PC: variants seen among roughly 807,000 people sequenced by gnomAD.
PC encodes the protein pyruvate carboxylase, mitochondrial.
PC carries 46 observed loss-of-function variants against 107.8 expected under a neutral mutation model. The observed-to-expected ratio is 0.43, with a 90% confidence interval of 0.34 to 0.55. PC has a LOEUF of 0.55. Ranked by LOEUF, PC falls within the 20% of genes least tolerant of loss-of-function variation. The probability of loss-of-function intolerance (pLI) is 0.04; values close to 1 mark genes in which losing one functional copy is unlikely to be tolerated. For missense variants in PC, 1,241 were observed against 1,643.1 expected (o/e 0.76, Z 4.23); for synonymous variants, 662 against 684.7 (o/e 0.97, Z 0.52).
intron 3 of PC, among the ~76,000 whole-genome samples, chr11:66,910,764 G>A (rs1289202948): frequency 6.6e-6 from 1 of 152,208 alleles, no homozygotes; most frequent in Non-Finnish European, 1.5e-5. Flanking sequence ...CTCCAGGCCA[G>A]AGAGCAAAGG....
At chr11:66,933,581 C>T (rs1273478747) in intron 3 of PC, among the ~76,000 whole-genome samples, 4 of 152,138 alleles carry the variant, frequency 2.6e-5, no homozygotes, top group Non-Finnish European at 4.4e-5. Flanking sequence ...TTCCATCCTG[C>T]ATTTCAAGAT....
intron 3 of PC, among the ~76,000 whole-genome samples, chr11:66,925,357 C>G (rs562976965): frequency 6.6e-6 from 1 of 152,106 alleles, no homozygotes; most frequent in Non-Finnish European, 1.5e-5. Flanking sequence ...GCCCCCGAAG[C>G]GGCCATTTCA....
At chr11:66,929,840 A>G (rs1047537709) in intron 3 of PC, among the ~76,000 whole-genome samples, 2 of 152,204 alleles carry the variant, frequency 1.3e-5, no homozygotes, top group African/African-American at 4.8e-5. Context: ...TCTTAAAAGC[A>G]TAGGCAAGCT....
intron 3 of PC, among the ~76,000 whole-genome samples, chr11:66,923,284 C>T (rs1354157582): frequency 6.6e-6 from 1 of 151,618 alleles, no homozygotes; most frequent in Non-Finnish European, 1.5e-5. Context: ...ATCGCTTGAA[C>T]CTGGGAGGCG....
At chr11:66,892,982 G>A (rs909041989) in intron 3 of PC, among the ~76,000 whole-genome samples, 1 of 152,194 alleles carries the variant, frequency 6.6e-6, no homozygotes, top group Non-Finnish European at 1.5e-5. Flanking sequence ...GGCCACAGAA[G>A]CCCAGGTTGA....
chr11:66,850,681 C>G lies in PC; in HGVS notation c.2466G>C (p.Leu822=), dbSNP rs1945426579. The part of the protein sequence containing the change: ...ALVACTRGTP[L]DTEVPMERVF... ...GGCTGCTGTTCTTCCTACCTGTGTC[C>G]AGGGGAGTCCCTCTGGTACAGGCCA... Residue 822 remains leucine, a synonymous_variant, in exon 18 of 23, where the codon CTG becomes CTC. Transcript: ENST00000393960. The G allele has an allele frequency of 8.7e-6, 14 of 1,609,458 alleles. No individual in the cohort carries two copies. Among genetic ancestry groups the G allele is most frequent in the Non-Finnish European group, 1.1e-5 (13 of 1,179,830 alleles).
intron 3 of PC, among the ~76,000 whole-genome samples, chr11:66,943,909 G>A (rs535919880): frequency 6.9e-4 from 103 of 149,742 alleles, no homozygotes; most frequent in Non-Finnish European, 6.8e-4. Context: ...CTTGAACCCA[G>A]GAGACAGAGG....
intron 3 of PC, among the ~76,000 whole-genome samples, chr11:66,902,089 G>A (rs1947977937): frequency 6.6e-6 from 1 of 152,140 alleles, no homozygotes; most frequent in Non-Finnish European, 1.5e-5. Context: ...AAATCCAATG[G>A]GAAACAGCTT....
At chr11:66,894,254 C>G (rs548599760) in intron 3 of PC, among the ~76,000 whole-genome samples, 50 of 152,262 alleles carry the variant, frequency 3.3e-4, no homozygotes, top group Non-Finnish European at 6.0e-4. Flanking sequence ...CCTTGTCCCC[C>G]CATGCCCCAG....
intron 3 of PC, among the ~76,000 whole-genome samples, chr11:66,899,313 C>T (rs543307393): frequency 6.6e-6 from 1 of 152,226 alleles, no homozygotes; most frequent in East Asian, 1.9e-4. Flanking sequence ...AAATAATATC[C>T]CATCATATGA....
At chr11:66,939,382 A>AAG (rs1555048319) in intron 3 of PC, among the ~76,000 whole-genome samples, 1 of 151,808 alleles carries the variant, frequency 6.6e-6, no homozygotes, top group African/African-American at 2.4e-5. Context: ...TGGCATCCAT[A>AAG]GGGGGGTCTT....
intron 3 of PC, among the ~76,000 whole-genome samples, chr11:66,935,847 A>G (rs7121910): frequency 0.047 from 7,085 of 152,158 alleles, 537 homozygotes; most frequent in African/African-American, 0.16. Flanking sequence ...CCAGCACTTC[A>G]GGAGGCCGAG....
In PC at chr11:66,848,698, G is replaced by A. The variant is rs997610042; in HGVS notation, c.*201C>T. 2 of 662,558 alleles carry A rather than the reference G, an allele frequency of 3.0e-6. No individual in the cohort carries two copies. The highest frequency in any genetic ancestry group is 5.3e-6 in the Non-Finnish European group (2 of 379,380). The allele number at this position is 662,558 out of a possible 1,614,324, so 41.0% of individuals were successfully genotyped here. ...CCCTTATTTGGCAAGAGATGAACAT[G>A]TAAGCAGCTGTCCGCCGGAGGAAAG... is the stretch of plus-strand genomic sequence containing the variant. On this transcript the variant is annotated 3_prime_UTR_variant, in exon 23 of 23. Coordinates refer to ENST00000393960, the MANE Select transcript of PC (RefSeq NM_001040716.2).
chr11:66,862,083 G>C (rs561616932), intron 12 of PC, among the ~76,000 whole-genome samples: 1 of 152,172 alleles, frequency 6.6e-6, no homozygotes, highest in Non-Finnish European at 1.5e-5. Context: ...GGTCACCCCT[G>C]TGCATGGCCA....
At chr11:66,916,228 C>T (rs1469617249) in intron 3 of PC, among the ~76,000 whole-genome samples, 2 of 152,192 alleles carry the variant, frequency 1.3e-5, no homozygotes, top group East Asian at 1.9e-4. Context: ...CTGTCCTGCT[C>T]GTTGCCAAGC....
chr11:66,851,998 A>C (rs1591122844), intron 15 of PC, 52 bp from the exon 16 acceptor site: 1 of 1,587,280 alleles, frequency 6.3e-7, no homozygotes, highest in Non-Finnish European at 8.6e-7. Flanking sequence ...GGGGAACTCC[A>C]CCAGGCCTTG....
rs774835884 is a variant in PC, at chr11:66,863,799, G to A, written c.1343C>T (p.Ala448Val). 12 of 1,612,860 alleles carry A rather than the reference G, an allele frequency of 7.4e-6. No homozygotes were observed. The highest frequency in any genetic ancestry group is 2.7e-5 in the African/African-American group (2 of 74,946). The change falls in exon 12 of 23, where the codon GCG becomes GTG. Residue 448 changes from alanine to valine, a missense_variant. Transcript: ENST00000393960. ...CTTCACACCTCGGACGCGGAACTCC[G>A]CAAGGGCCCTGCTCATCTTGGTGGC... ...TAATKMSRAL[A>V]EFRVRGVKTN...
At position 66,863,960 on chromosome 11, in the gene PC, TG is replaced by T; in HGVS notation, c.1186-5del. 3.1e-6 allele frequency: 5 copies of T among 1,613,600 alleles called. No homozygotes were observed. The highest frequency in any genetic ancestry group is 4.2e-6 in the Non-Finnish European group (5 of 1,179,980). On this transcript the variant is annotated splice_region_variant and splice_polypyrimidine_tract_variant and intron_variant, in intron 11 of 22. Coordinates refer to ENST00000393960, the MANE Select transcript of PC (RefSeq NM_001040716.2). ...TGCCCTCTCCGCTCCGGAACACCTG[TG>T]GGAAGGGTGAGGCGTGAGGACCTGC... is the stretch of plus-strand genomic sequence containing the variant.
At chr11:66,906,361 C>G (rs1297850569) in intron 3 of PC, among the ~76,000 whole-genome samples, 1 of 152,074 alleles carries the variant, frequency 6.6e-6, no homozygotes, top group Non-Finnish European at 1.5e-5. Context: ...CAAACAAGAC[C>G]AAAGATCCAT....
Sources: allele counts gnomAD v4.1 joint callset (sites outside exome capture counted in the v4.1 genomes callset), GRCh38; gene constraint gnomAD v4.1.1; transcripts MANE v1.5; gene names NCBI Gene and HGNC (gene_info 2026-07-23, HGNC 2026-07-21).